Variants in SETBP1 observed in about 807,000 individuals in gnomAD.
The protein encoded by SETBP1 is SET binding protein 1.
A neutral mutation model predicts 101.0 loss-of-function variants in SETBP1; 9 were observed. The ratio of observed to expected loss-of-function variants is 0.09; its 90% CI spans 0.05 to 0.16. The LOEUF (loss-of-function observed/expected upper bound fraction) is 0.16, where lower values mean the gene tolerates loss of function less well. Ranked by LOEUF, SETBP1 falls within the 10% of genes least tolerant of loss-of-function variation. The pLI, the probability that SETBP1 is intolerant of heterozygous loss-of-function variation, is 1.00. For missense variants in SETBP1, 1,858 were observed against 2,033.8 expected, an observed-to-expected ratio of 0.91 and a Z score of 1.66; for synonymous variants, 818 against 788.5, an observed-to-expected ratio of 1.04 and a Z score of -0.63.
chr18:44,766,923 A>C (rs747154093), intron 2 of SETBP1, among the ~76,000 whole-genome samples: 1 of 152,252 alleles, frequency 6.6e-6, no homozygotes, highest in Non-Finnish European at 1.5e-5. Context: ...GTATGGATCT[A>C]TTATAGTCCC....
chr18:44,995,836 A>G (rs2072487197), intron 4 of SETBP1, among the ~76,000 whole-genome samples: 1 of 152,168 alleles, frequency 6.6e-6, no homozygotes, highest in Admixed American at 6.5e-5. Context: ...GTTGTATTAT[A>G]TAGCAGCATT....
At chr18:44,953,411 CT>C (rs1450434642) in intron 4 of SETBP1, 71 bp downstream of exon 4, 1 of 1,344,396 alleles carries the variant, frequency 7.4e-7, no homozygotes, top group East Asian at 2.4e-5. Context: ...TCAGACACAT[CT>C]GTGGCACATT....
At chr18:45,047,480 G>A (rs1053519847) in intron 5 of SETBP1, among the ~76,000 whole-genome samples, 2 of 152,162 alleles carry the variant, frequency 1.3e-5, no homozygotes, top group Non-Finnish European at 2.9e-5. Context: ...TAGATTGTTG[G>A]TGTCATGGTG....
At chr18:44,928,193 C>A (rs902156851) in intron 3 of SETBP1, among the ~76,000 whole-genome samples, 3 of 152,118 alleles carry the variant, frequency 2.0e-5, no homozygotes, top group Non-Finnish European at 4.4e-5. Flanking sequence ...GGTTTTCTGT[C>A]CTTGTGATAG....
chr18:44,988,746 C>T (rs2072293121), intron 4 of SETBP1: 1 of 151,994 alleles, frequency 6.6e-6, no homozygotes. Context: ...AAGGCAAAAC[C>T]CTCAGTAAAA....
At chr18:44,688,519 C>G (rs907323591) in intron 1 of SETBP1, among the ~76,000 whole-genome samples, 1 of 148,780 alleles carries the variant, frequency 6.7e-6, no homozygotes, top group Admixed American at 6.7e-5. Flanking sequence ...CTGTCACGAT[C>G]TCTGCTCACT....
intron 2 of SETBP1, among the ~76,000 whole-genome samples, chr18:44,851,437 G>A (rs1032347966): frequency 6.6e-6 from 1 of 152,182 alleles, no homozygotes; most frequent in African/African-American, 2.4e-5. Context: ...GTTACCAGAA[G>A]TGGTGGTCAA....
chr18:44,935,733 T>A (rs1465579310), intron 3 of SETBP1, among the ~76,000 whole-genome samples: 1 of 152,218 alleles, frequency 6.6e-6, no homozygotes, highest in East Asian at 1.9e-4. Flanking sequence ...CACTGGTGAT[T>A]CTTAACCATA....
chr18:44,731,650 A>G (rs558412096), intron 2 of SETBP1, among the ~76,000 whole-genome samples: 3 of 152,114 alleles, frequency 2.0e-5, no homozygotes, highest in Admixed American at 6.5e-5. Flanking sequence ...ACACACACAC[A>G]CACGCGCACG....
intron 2 of SETBP1, among the ~76,000 whole-genome samples, chr18:44,771,106 T>C (rs11082407): frequency 0.83 from 125,423 of 151,646 alleles, 51,941 homozygotes; most frequent in Admixed American, 0.87. Context: ...GCTGGCTGCA[T>C]CAGAATTACC....
intron 4 of SETBP1, among the ~76,000 whole-genome samples, chr18:44,978,270 C>T (rs191741906): frequency 3.3e-4 from 50 of 152,264 alleles, no homozygotes; most frequent in Admixed American, 3.3e-3. Context: ...TGCCCCTCAC[C>T]ACATTTATTT....
At chr18:44,860,765 TAAAG>T (rs1459977751) in intron 2 of SETBP1, among the ~76,000 whole-genome samples, 3 of 149,090 alleles carry the variant, frequency 2.0e-5, no homozygotes, top group South Asian at 2.1e-4. Context: ...AAAAAAAGTA[TAAAG>T]AAAGAAAGGG....
chr18:44,738,229 T>C (rs1350712463), intron 2 of SETBP1, among the ~76,000 whole-genome samples: 6 of 152,192 alleles, frequency 3.9e-5, no homozygotes, highest in Non-Finnish European at 4.4e-5. Flanking sequence ...AATGCTCCAA[T>C]TGCCATTGTT....
intron 2 of SETBP1, among the ~76,000 whole-genome samples, chr18:44,795,186 T>C (rs1396195092): frequency 1.3e-5 from 2 of 152,204 alleles, no homozygotes; most frequent in Non-Finnish European, 1.5e-5. Flanking sequence ...ATTTTCCCAC[T>C]CCTCTCTTTC....
intron 3 of SETBP1, among the ~76,000 whole-genome samples, chr18:44,929,454 T>G (rs1405606368): frequency 6.6e-6 from 1 of 152,206 alleles, no homozygotes; most frequent in African/African-American, 2.4e-5. Context: ...TAAAGTAGTT[T>G]TTTCCAATTC....
chr18:44,877,610 A>T (rs1265405812), intron 3 of SETBP1, among the ~76,000 whole-genome samples: 1 of 152,238 alleles, frequency 6.6e-6, no homozygotes, highest in African/African-American at 2.4e-5. Context: ...TGTGACAATA[A>T]CAGGGCATTT....
At chr18:44,965,835 T>A (rs182408065) in intron 4 of SETBP1, among the ~76,000 whole-genome samples, 1 of 152,312 alleles carries the variant, frequency 6.6e-6, no homozygotes, top group Admixed American at 6.5e-5. Context: ...ATGAGATCTC[T>A]AACAGTGGCT....
At chr18:44,871,790 G>A (rs1339906066) in intron 3 of SETBP1, 2 of 152,166 alleles carry the variant, frequency 1.3e-5, no homozygotes, top group Non-Finnish European at 2.9e-5. Context: ...TTTTCAGGTT[G>A]AGCCTGAAAG....
rs143192824 is a variant in SETBP1 at position 44,847,847 on chromosome 18, C to T, written c.487-21383C>T. Among the ~76,000 whole-genome samples, 712 of 152,238 alleles carry T rather than the reference C, an allele frequency of 4.7e-3. 6 individuals carry two copies. The highest frequency in any genetic ancestry group is 0.016 in the African/African-American group (682 of 41,542). On this transcript the variant is annotated intron_variant, in intron 2 of 5. Coordinates refer to ENST00000649279, the MANE Select transcript of SETBP1 (RefSeq NM_015559.3). ...AGGAACACAAGCTGATTTGGAGATT[C>T]TAGCCAGGAAAGGCCTTTCTGAGCC...
Sources: allele counts gnomAD v4.1 joint callset (sites outside exome capture counted in the v4.1 genomes callset), GRCh38; gene constraint gnomAD v4.1.1; transcripts MANE v1.5; gene names NCBI Gene and HGNC (gene_info 2026-07-23, HGNC 2026-07-21).